Variants in GAD2 observed in about 807,000 individuals in gnomAD.
The protein encoded by GAD2 is 65 kDa glutamic acid decarboxylase.
Under a neutral mutation model 80.1 loss-of-function variants are expected in GAD2, and 22 were observed. The ratio of observed to expected loss-of-function variants is 0.27; its 90% CI spans 0.20 to 0.39. The LOEUF (loss-of-function observed/expected upper bound fraction) is 0.39. Among genes scored for constraint, GAD2 ranks in the 10% least tolerant of loss-of-function variants. The pLI is 1.00. For missense variants in GAD2, 624 were observed against 738.4 expected (o/e 0.85, Z 1.80); for synonymous variants, 274 against 256.9 (o/e 1.07, Z -0.64).
At chr10:26,243,776 G>A (rs1226544624) in intron 7 of GAD2, among the ~76,000 whole-genome samples, 1 of 152,228 alleles carries the variant, frequency 6.6e-6, no homozygotes, top group East Asian at 1.9e-4. Flanking sequence ...GGAATAAAGA[G>A]TGCTAGATTT....
At chr10:26,247,510 G>A (rs1844823458) in intron 8 of GAD2, among the ~76,000 whole-genome samples, 1 of 152,156 alleles carries the variant, frequency 6.6e-6, no homozygotes, top group Non-Finnish European at 1.5e-5. Context: ...GGAGGAATGA[G>A]CACCTCACGG....
chr10:26,255,358 G>C (rs1844930202), intron 8 of GAD2, among the ~76,000 whole-genome samples: 1 of 152,178 alleles, frequency 6.6e-6, no homozygotes, highest in Non-Finnish European at 1.5e-5. Flanking sequence ...TCAGTGGAGG[G>C]GTGAGGGCAG....
intron 4 of GAD2, among the ~76,000 whole-genome samples, chr10:26,223,138 C>T (rs966099393): frequency 6.6e-6 from 1 of 152,134 alleles, no homozygotes; most frequent in Non-Finnish European, 1.5e-5. Flanking sequence ...ACTAATCAGT[C>T]GATTGAGTAT....
At chr10:26,273,892 T>C (rs1032666359) in intron 11 of GAD2, among the ~76,000 whole-genome samples, 192 bp downstream of exon 11, 7 of 152,276 alleles carry the variant, frequency 4.6e-5, no homozygotes, top group African/African-American at 1.7e-4. Context: ...ATGTAAATAT[T>C]ATGTGTAAAC....
At chr10:26,280,975 A>C in intron 11 of GAD2, 34 bp from the exon 12 acceptor site, 1 of 1,511,840 alleles carries the variant, frequency 6.6e-7, no homozygotes, top group Non-Finnish European at 9.2e-7. Flanking sequence ...GTCAGGGTGG[A>C]GTGCCACCCG....
intron 11 of GAD2, among the ~76,000 whole-genome samples, chr10:26,276,178 A>G (rs1010979326): frequency 6.6e-6 from 1 of 151,880 alleles, no homozygotes; most frequent in African/African-American, 2.4e-5. Flanking sequence ...AATAAAAATA[A>G]AAATAAATAA....
At chr10:26,227,806 A>T (rs972221716) in intron 6 of GAD2, among the ~76,000 whole-genome samples, 4 of 152,184 alleles carry the variant, frequency 2.6e-5, no homozygotes, top group Non-Finnish European at 5.9e-5. Flanking sequence ...CCAGCATCCT[A>T]CAGCCAGCCT....
Position 26,228,852 on chromosome 10 carries a change from C to T in GAD2, c.725-810C>T, listed in dbSNP as rs8190628. Among the ~76,000 whole-genome samples, 1,347 of 151,810 alleles carry T rather than the reference C, an allele frequency of 8.9e-3. 30 individuals carry two copies. Among genetic ancestry groups the T allele is most frequent in the African/African-American group, 0.031 (1,295 of 41,290 alleles). ...TGTGGAAAAATTGTCTTCCACGAAA[C>T]GCATCACTGCTGCCAAAAAGGTTGG... On this transcript the variant is annotated intron_variant, in intron 6 of 15. Coordinates refer to ENST00000376261, the MANE Select transcript of GAD2 (RefSeq NM_001134366.2).
chr10:26,250,601 C>A (rs1008617680), intron 8 of GAD2, among the ~76,000 whole-genome samples: 1 of 151,336 alleles, frequency 6.6e-6, no homozygotes, highest in African/African-American at 2.4e-5. Context: ...ATAAGGCCTA[C>A]GAGAAAAAAG....
intron 7 of GAD2, among the ~76,000 whole-genome samples, chr10:26,245,273 G>A (rs1360936357): frequency 2.0e-5 from 3 of 152,020 alleles, no homozygotes; most frequent in Non-Finnish European, 2.9e-5. Flanking sequence ...TGCATGCTGG[G>A]CTTAATACCT....
chr10:26,223,823 T>C, intron 4 of GAD2, 64 bp from the exon 5 acceptor site: 1 of 1,029,112 alleles, frequency 9.7e-7, no homozygotes, highest in South Asian at 1.4e-5. Context: ...AGAGAAATCA[T>C]GTGTTTGAGA....
chr10:26,240,935 C>T (rs532829752), intron 7 of GAD2, among the ~76,000 whole-genome samples: 3 of 150,972 alleles, frequency 2.0e-5, no homozygotes, highest in Non-Finnish European at 3.0e-5. Flanking sequence ...CCAGCTACTC[C>T]GGAGGCTGAG....
intron 11 of GAD2, among the ~76,000 whole-genome samples, chr10:26,274,118 A>C (rs1845170372): frequency 6.6e-6 from 1 of 152,238 alleles, no homozygotes; most frequent in African/African-American, 2.4e-5. Context: ...TAATTTTTCA[A>C]AGCAAATAAG....
At position 26,224,546 on chromosome 10, in the gene GAD2, T is replaced by A; in HGVS notation, c.619T>A (p.Tyr207Asn). The A allele has an allele frequency of 6.2e-7, 1 of 1,606,426 alleles. No homozygotes were observed. The highest frequency in any genetic ancestry group is 2.2e-5 in the East Asian group (1 of 44,846). ...GCCATTACTACATTTCAGGTTCACC[T>A]ATGAAATTGCTCCAGTATTTGTGCT... ...TSTANTNMFTYEIAPVFVLLE... is the reference protein window; with the variant it reads ...TSTANTNMFTNEIAPVFVLLE... The change falls in exon 6 of 16, where the codon TAT (tyrosine) becomes AAT (asparagine). Residue 207 changes from tyrosine (Y) to asparagine (N), a missense_variant. Transcript: ENST00000376261.
intron 8 of GAD2, among the ~76,000 whole-genome samples, chr10:26,247,587 G>A (rs998032228): frequency 6.6e-6 from 1 of 152,038 alleles, no homozygotes; most frequent in African/African-American, 2.4e-5. Flanking sequence ...GGTGGCTCAC[G>A]TGGAATTCAG....
intron 8 of GAD2, among the ~76,000 whole-genome samples, chr10:26,248,593 C>G (rs1472690208): frequency 6.6e-6 from 1 of 152,212 alleles, no homozygotes; most frequent in African/African-American, 2.4e-5. Context: ...TGATCGTTTA[C>G]TTCTCAGGTC....
At chr10:26,295,182 G>T (rs1268976534) in intron 15 of GAD2, among the ~76,000 whole-genome samples, 1 of 152,072 alleles carries the variant, frequency 6.6e-6, no homozygotes, top group African/African-American at 2.4e-5. Context: ...CCTCATATGA[G>T]CTGTAATGAA....
chr10:26,218,313 G>A (rs1589135439), intron 3 of GAD2: 3 of 284,048 alleles, frequency 1.1e-5, no homozygotes, highest in East Asian at 6.2e-5. Context: ...TCCCTAGGCC[G>A]CTGGGGCCTC....
chr10:26,228,243 C>G (rs1844553868), intron 6 of GAD2, among the ~76,000 whole-genome samples: 1 of 152,216 alleles, frequency 6.6e-6, no homozygotes, highest in African/African-American at 2.4e-5. Flanking sequence ...CCTAAACTTC[C>G]CAACAGCCCT....
Sources: gnomAD v4.1 joint callset for allele counts (sites outside exome capture counted in the v4.1 genomes callset) on GRCh38, gnomAD v4.1.1 for gene constraint, MANE v1.5 for transcripts, NCBI Gene and HGNC (gene_info 2026-07-23, HGNC 2026-07-21) for gene names.